The following ACTR10 variants were observed in gnomAD, a reference collection of about 807,000 sequenced individuals.
ACTR10 encodes actin related protein 10.
Under a neutral mutation model 56.2 loss-of-function variants are expected in ACTR10, and 43 were observed. The ratio of observed to expected loss-of-function variants is 0.77; its 90% CI spans 0.60 to 0.99. ACTR10 has a LOEUF of 0.99. Ranked by LOEUF, ACTR10 falls within the 50% of genes least tolerant of loss-of-function variation. The pLI is 0.00. For synonymous variants in ACTR10, 170 were observed against 176.3 expected (o/e 0.96, Z 0.28); for missense variants, 466 against 507.8 (o/e 0.92, Z 0.79).
intron 10 of ACTR10, among the ~76,000 whole-genome samples, chr14:58,225,806 G>A (rs965530114): frequency 5.9e-5 from 9 of 151,510 alleles, no homozygotes; most frequent in Non-Finnish European, 1.2e-4. Context: ...TCCTTCTCCT[G>A]GGTTCAAGCA....
chr14:58,222,562 C>T (rs1052605983), intron 8 of ACTR10, among the ~76,000 whole-genome samples: 26 of 152,130 alleles, frequency 1.7e-4, no homozygotes, highest in South Asian at 1.2e-3. Flanking sequence ...GTCAGGAGTT[C>T]GAGACCAGCC....
At chr14:58,226,428 TA>T (rs34541151) in intron 10 of ACTR10, among the ~76,000 whole-genome samples, 32,080 of 132,174 alleles carry the variant, frequency 0.24, 3,861 homozygotes, top group Middle Eastern at 0.33. Context: ...CTATTTTCTT[TA>T]AAAAAAAAAA....
At chr14:58,221,813 G>C (rs997651296) in intron 8 of ACTR10, among the ~76,000 whole-genome samples, 3 of 152,024 alleles carry the variant, frequency 2.0e-5, no homozygotes, top group Non-Finnish European at 4.4e-5. Context: ...AGCTACTTGG[G>C]AGGCTGAGGT....
At chr14:58,228,561 G>C (rs1016771806) in intron 10 of ACTR10, among the ~76,000 whole-genome samples, 1 of 151,422 alleles carries the variant, frequency 6.6e-6, no homozygotes, top group Non-Finnish European at 1.5e-5. Context: ...GGCTGATCCG[G>C]GATCACACCA....
intron 2 of ACTR10, among the ~76,000 whole-genome samples, chr14:58,206,681 A>G (rs1422562994): frequency 1.3e-5 from 2 of 152,170 alleles, no homozygotes; most frequent in Admixed American, 6.5e-5. Context: ...AAGTGAAGCC[A>G]TTGTTATATA....
intron 4 of ACTR10, 88 bp from the exon 5 acceptor site, chr14:58,211,204 T>G (rs891100231): frequency 2.1e-6 from 2 of 960,556 alleles, no homozygotes; most frequent in African/African-American, 1.6e-5. Context: ...TCCTGTGAAT[T>G]TTTTCAAATA....
intron 2 of ACTR10, among the ~76,000 whole-genome samples, chr14:58,206,680 C>G: frequency 6.6e-6 from 1 of 152,114 alleles, no homozygotes. Context: ...TAAGTGAAGC[C>G]ATTGTTATAT....
intron 1 of ACTR10, among the ~76,000 whole-genome samples, chr14:58,200,624 G>C (rs1269639029): frequency 6.6e-6 from 1 of 152,156 alleles, no homozygotes. Context: ...CTTACCCTGG[G>C]CTCCTCAGTT....
At chr14:58,205,985 G>T (rs1283966435) in intron 2 of ACTR10, among the ~76,000 whole-genome samples, 1 of 152,000 alleles carries the variant, frequency 6.6e-6, no homozygotes, top group Non-Finnish European at 1.5e-5. Flanking sequence ...TCATGCCACT[G>T]TGCTGCAGCC....
intron 8 of ACTR10, among the ~76,000 whole-genome samples, chr14:58,222,091 A>G (rs1326878722): frequency 1.3e-5 from 2 of 151,430 alleles, no homozygotes; most frequent in East Asian, 1.9e-4. Context: ...GAAATTCACT[A>G]CATAATGTAT....
intron 5 of ACTR10, 86 bp from the exon 6 acceptor site, chr14:58,213,545 T>G (rs1889052954): frequency 1.3e-6 from 1 of 773,482 alleles, no homozygotes; most frequent in Non-Finnish European, 2.0e-6. Context: ...AAAGCATATT[T>G]AGAACAGTAC....
chr14:58,206,352 T>G (rs1419578793), intron 2 of ACTR10, among the ~76,000 whole-genome samples: 3 of 151,672 alleles, frequency 2.0e-5, no homozygotes, highest in African/African-American at 7.3e-5. Flanking sequence ...ATTTTTTTTT[T>G]TTGTATTTTT....
intron 11 of ACTR10, chr14:58,231,242 G>A (rs1889525638): frequency 5.5e-6 from 1 of 181,806 alleles, no homozygotes; most frequent in Non-Finnish European, 1.2e-5. Context: ...GGTAGAGATG[G>A]GGTTTCTCCA....
rs1889217951 is a variant in ACTR10 at position 58,219,621 on chromosome 14, A to T, written c.599-73A>T. The T allele has an allele frequency of 3.2e-6, 3 of 935,040 alleles. No homozygotes were observed. In the South Asian group the frequency reaches 6.4e-5, roughly 20 times the overall value. The allele number at this position is 935,040 out of a possible 1,614,324, so 57.9% of individuals were successfully genotyped here. A position where few individuals can be genotyped will look rare whatever the true frequency, so the allele number is the denominator to read the frequency against. On this transcript the variant is annotated intron_variant, in intron 7 of 12. Transcript: ENST00000254286. ...AATTTTTTCTAAATTGAAAAATAGA[A>T]ATGTGAAGGCAATTTAATAGACTGT...
intron 7 of ACTR10, among the ~76,000 whole-genome samples, chr14:58,218,927 A>C (rs1889199059): frequency 6.6e-6 from 1 of 152,118 alleles, no homozygotes; most frequent in Non-Finnish European, 1.5e-5. Context: ...AGTTCAAGCG[A>C]TTCTCCTGCC....
At chr14:58,215,141 A>G in intron 6 of ACTR10, 64 bp from the exon 7 acceptor site, 1 of 989,474 alleles carries the variant, frequency 1.0e-6, no homozygotes, top group Non-Finnish European at 1.5e-6. Flanking sequence ...TGTAGTTGAA[A>G]GTATCAAATA....
intron 5 of ACTR10, among the ~76,000 whole-genome samples, chr14:58,212,765 T>G (rs1889034818): frequency 6.6e-6 from 1 of 152,194 alleles, no homozygotes; most frequent in Non-Finnish European, 1.5e-5. Context: ...CAGTAAATAT[T>G]GTTTACTTCC....
intron 10 of ACTR10, among the ~76,000 whole-genome samples, chr14:58,225,757 G>C (rs1407602209): frequency 1.3e-5 from 2 of 150,780 alleles, no homozygotes; most frequent in Non-Finnish European, 2.9e-5. Flanking sequence ...TTTTCCCCCA[G>C]GCTGGAGTGC....
intron 10 of ACTR10, among the ~76,000 whole-genome samples, chr14:58,224,247 C>A (rs1410187388): frequency 2.0e-5 from 3 of 152,128 alleles, no homozygotes; most frequent in African/African-American, 7.2e-5. Flanking sequence ...GGTGATCCGC[C>A]TACCTTGGCC....
Sources: gnomAD v4.1 joint callset for allele counts (sites outside exome capture counted in the v4.1 genomes callset) on GRCh38, gnomAD v4.1.1 for gene constraint, MANE v1.5 for transcripts, NCBI Gene and HGNC (gene_info 2026-07-23, HGNC 2026-07-21) for gene names.